Variants in CSMD1 observed in about 807,000 individuals in gnomAD.
The protein encoded by CSMD1 is CUB and sushi domain-containing protein 1.
CSMD1 carries 213 observed loss-of-function variants against 417.5 expected under a neutral mutation model. The observed-to-expected ratio is 0.51, with a 90% CI of 0.46 to 0.57. The LOEUF (loss-of-function observed/expected upper bound fraction) is 0.57. Ranked by LOEUF, CSMD1 falls within the 20% of genes least tolerant of loss-of-function variation. The probability of loss-of-function intolerance (pLI) is 0.00; values close to 1 mark genes in which losing one functional copy is unlikely to be tolerated. For synonymous variants in CSMD1, 2,862 were observed against 1,736.8 expected (o/e 1.65, Z -16.11); for missense variants, 6,923 against 4,529.7 (o/e 1.53, Z -15.17).
chr8:4,570,142 C>A (rs1459503431), intron 2 of CSMD1, among the ~76,000 whole-genome samples: 1 of 152,172 alleles, frequency 6.6e-6, no homozygotes, highest in Non-Finnish European at 1.5e-5. Flanking sequence ...CTTTCTCTTG[C>A]CTGATTGCCC....
At chr8:4,801,746 A>G (rs1008077013) in intron 1 of CSMD1, among the ~76,000 whole-genome samples, 8 of 151,636 alleles carry the variant, frequency 5.3e-5, no homozygotes, top group Admixed American at 2.6e-4. Context: ...GGAAAAACAC[A>G]GAAACTTTGT....
intron 5 of CSMD1, among the ~76,000 whole-genome samples, chr8:3,872,140 C>T (rs1017902378): frequency 1.3e-5 from 2 of 152,272 alleles, no homozygotes; most frequent in Middle Eastern, 6.8e-3. Flanking sequence ...TTTCTCATTT[C>T]ATGTTGTTTT....
At chr8:4,145,858 T>C (rs1162639956) in intron 3 of CSMD1, among the ~76,000 whole-genome samples, 2 of 151,042 alleles carry the variant, frequency 1.3e-5, no homozygotes, top group Admixed American at 6.6e-5. Flanking sequence ...CACACCAGCT[T>C]TGAATTTGTT....
At chr8:4,319,458 T>C (rs540871382) in intron 3 of CSMD1, among the ~76,000 whole-genome samples, 3 of 152,150 alleles carry the variant, frequency 2.0e-5, no homozygotes, top group Non-Finnish European at 2.9e-5. Flanking sequence ...AAATAATAGC[T>C]ACTCCTTCTT....
intron 36 of CSMD1, among the ~76,000 whole-genome samples, chr8:3,182,617 T>TTA (rs1821419636): frequency 1.6e-5 from 1 of 61,536 alleles, no homozygotes; most frequent in Non-Finnish European, 5.2e-5. Flanking sequence ...TGTGTGTGTG[T>TTA]GTGTGTGTGT....
At chr8:4,807,461 A>G (rs1257262522) in intron 1 of CSMD1, among the ~76,000 whole-genome samples, 3 of 152,054 alleles carry the variant, frequency 2.0e-5, no homozygotes, top group Non-Finnish European at 4.4e-5. Flanking sequence ...TTGAGCTGAA[A>G]CCTTGTCTTA....
chr8:4,051,766 G>A (rs1450754129), intron 3 of CSMD1, among the ~76,000 whole-genome samples: 10 of 152,168 alleles, frequency 6.6e-5, no homozygotes, highest in Non-Finnish European at 1.5e-4. Flanking sequence ...GGTTTTGGTA[G>A]GGCTCCCAGT....
At chr8:4,759,057 G>C (rs11775298) in intron 1 of CSMD1, among the ~76,000 whole-genome samples, 14,594 of 152,248 alleles carry the variant, frequency 0.096, 846 homozygotes, top group Non-Finnish European at 0.13. Flanking sequence ...GTGCAGAAAA[G>C]TTATTAAGAT....
intron 1 of CSMD1, among the ~76,000 whole-genome samples, chr8:4,763,599 G>T (rs1812261198): frequency 6.6e-6 from 1 of 152,054 alleles, no homozygotes; most frequent in Non-Finnish European, 1.5e-5. Flanking sequence ...AATGACTTAT[G>T]CCTCCACTCT....
intron 1 of CSMD1, among the ~76,000 whole-genome samples, chr8:4,868,621 A>C (rs1318836650): frequency 6.6e-6 from 1 of 152,146 alleles, no homozygotes; most frequent in Non-Finnish European, 1.5e-5. Context: ...ACAAGTGTTC[A>C]ATCATCTACT....
chr8:4,600,241 T>C (rs910542908), intron 2 of CSMD1, among the ~76,000 whole-genome samples: 1 of 150,650 alleles, frequency 6.6e-6, no homozygotes, highest in Admixed American at 6.6e-5. Flanking sequence ...TACTCTACTC[T>C]CTCTCTCTCC....
intron 3 of CSMD1, among the ~76,000 whole-genome samples, chr8:4,285,135 C>A (rs1428001274): frequency 6.6e-6 from 1 of 152,174 alleles, no homozygotes; most frequent in Non-Finnish European, 1.5e-5. Context: ...TTTTAACTTA[C>A]AGATATTTTG....
intron 5 of CSMD1, among the ~76,000 whole-genome samples, chr8:3,859,746 C>T (rs887262071): frequency 1.3e-5 from 2 of 152,094 alleles, no homozygotes; most frequent in Non-Finnish European, 2.9e-5. Flanking sequence ...GGCAGTCTTC[C>T]CTGGCTGACA....
At chr8:3,974,976 C>A (rs935537186) in intron 5 of CSMD1, among the ~76,000 whole-genome samples, 1 of 152,204 alleles carries the variant, frequency 6.6e-6, no homozygotes, top group East Asian at 1.9e-4. Flanking sequence ...CCAGGATTTT[C>A]CCTATGTGGA....
Position 3,795,156 on chromosome 8 carries a change from C to A in CSMD1, c.819-41114G>T, listed in dbSNP as rs75848128. On this transcript the variant is annotated intron_variant, in intron 5 of 69. Coordinates refer to ENST00000635120, the MANE Select transcript of CSMD1 (RefSeq NM_033225.6). Reference sequence around the variant, plus strand: ...AGCTATAGATATCTATCATGTACAGCTATAGATACCTATCATGTACAGCTA... The same window carrying A: ...AGCTATAGATATCTATCATGTACAGATATAGATACCTATCATGTACAGCTA... Among the ~76,000 whole-genome samples the A allele has an allele frequency of 7.7e-3, 363 of 47,264 alleles. 20 individuals are homozygous for A. Among genetic ancestry groups the A allele is most frequent in the Middle Eastern group, 0.05 (2 of 40 alleles). The allele number at this position is 47,264 out of a possible 152,430, so 31.0% of individuals were successfully genotyped here.
chr8:3,266,192 C>T (rs1157852058), intron 26 of CSMD1, among the ~76,000 whole-genome samples: 1 of 150,774 alleles, frequency 6.6e-6, no homozygotes, highest in Non-Finnish European at 1.5e-5. Context: ...AAGCAGAAGA[C>T]AAGAGGCAAA....
chr8:3,952,426 G>T (rs1213402314), intron 5 of CSMD1, among the ~76,000 whole-genome samples: 2 of 152,106 alleles, frequency 1.3e-5, no homozygotes, highest in Non-Finnish European at 2.9e-5. Flanking sequence ...GATATGTAAA[G>T]GGTAATTATT....
At chr8:4,639,069 G>A (rs994579176) in intron 1 of CSMD1, among the ~76,000 whole-genome samples, 5 of 152,154 alleles carry the variant, frequency 3.3e-5, no homozygotes, top group South Asian at 2.1e-4. Context: ...TTTACCACTA[G>A]ACAAACTGAA....
At chr8:4,498,000 C>T (rs1206561127) in intron 2 of CSMD1, among the ~76,000 whole-genome samples, 1 of 152,096 alleles carries the variant, frequency 6.6e-6, no homozygotes, top group East Asian at 1.9e-4. Context: ...ATGACAAGTA[C>T]AGTAAACGTC....
Sources: allele counts gnomAD v4.1 joint callset (sites outside exome capture counted in the v4.1 genomes callset), GRCh38; gene constraint gnomAD v4.1.1; transcripts MANE v1.5; gene names NCBI Gene and HGNC (gene_info 2026-07-23, HGNC 2026-07-21).